Variants in DENND2B observed in about 807,000 individuals in gnomAD.
DENND2B encodes DENN domain containing 2B.
DENND2B carries 32 observed loss-of-function variants against 116.0 expected under a neutral mutation model. The observed-to-expected ratio is 0.28, with a 90% CI of 0.21 to 0.37. DENND2B has a LOEUF of 0.37. DENND2B is among the 10% of genes least tolerant of loss of function. The pLI, the probability that DENND2B is intolerant of heterozygous loss-of-function variation, is 1.00. For synonymous variants in DENND2B, 588 were observed against 583.9 expected (o/e 1.01, Z -0.10); for missense variants, 1,276 against 1,477.7 (o/e 0.86, Z 2.24).
intron 1 of DENND2B, among the ~76,000 whole-genome samples, chr11:8,760,559 AG>A (rs2054423442): frequency 6.6e-6 from 1 of 152,178 alleles, no homozygotes; most frequent in African/African-American, 2.4e-5. Context: ...CCAAGGCTGC[AG>A]TGAGCTATAA....
intron 2 of DENND2B, among the ~76,000 whole-genome samples, chr11:8,735,983 T>C (rs1196915572): frequency 1.3e-5 from 2 of 152,180 alleles, no homozygotes; most frequent in East Asian, 1.9e-4. Context: ...TTCTCCCCTG[T>C]TGGACAAGAG....
intron 1 of DENND2B, among the ~76,000 whole-genome samples, chr11:8,770,933 A>T (rs1209997156): frequency 2.0e-5 from 3 of 152,152 alleles, no homozygotes; most frequent in Non-Finnish European, 2.9e-5. Context: ...TGCCAGTCTG[A>T]CACTCATCTC....
At chr11:8,750,190 G>T (rs2052105639) in intron 2 of DENND2B, among the ~76,000 whole-genome samples, 1 of 152,288 alleles carries the variant, frequency 6.6e-6, no homozygotes, top group East Asian at 1.9e-4. Flanking sequence ...AAAATCCACG[G>T]TTTCTCTAAA....
At chr11:8,711,758 T>C in intron 9 of DENND2B, 1 of 269,204 alleles carries the variant, frequency 3.7e-6, no homozygotes, top group Admixed American at 4.2e-5. Context: ...TCCCAGCTAC[T>C]TGGGAGGCTG....
At chr11:8,711,445 C>T (rs371476806) in intron 9 of DENND2B, among the ~76,000 whole-genome samples, 9 of 152,228 alleles carry the variant, frequency 5.9e-5, no homozygotes, top group Middle Eastern at 6.8e-3. Context: ...GCATCTGACA[C>T]GGTGCTATGC....
chr11:8,777,568 AAG>A (rs2057880528), intron 1 of DENND2B, among the ~76,000 whole-genome samples: 1 of 152,228 alleles, frequency 6.6e-6, no homozygotes, highest in Non-Finnish European at 1.5e-5. Context: ...GAGACCAGCT[AAG>A]AGCTACTCCA....
intron 1 of DENND2B, among the ~76,000 whole-genome samples, chr11:8,780,071 A>T (rs10840120): frequency 0.21 from 32,665 of 152,030 alleles, 3,656 homozygotes; most frequent in South Asian, 0.34. Context: ...GGCAGTATGA[A>T]ATTGTAACTA....
rs566252462 is a variant in DENND2B, at chr11:8,889,368, T to C, written c.-255-8259A>G. 8.4e-4 allele frequency among the ~76,000 whole-genome samples: 128 copies of C among 152,266 alleles called. 1 individual carries two copies. Among genetic ancestry groups the C allele is most frequent in the Middle Eastern group, 3.4e-3 (1 of 294 alleles). Reference sequence around the variant, plus strand: ...ATTTCCAACTGAGGTACCGGGTTCATCTCAATGGGGCTTGTCAGACAGTGG... The same window carrying C: ...ATTTCCAACTGAGGTACCGGGTTCACCTCAATGGGGCTTGTCAGACAGTGG... On this transcript the variant is annotated intron_variant, in intron 1 of 22. Coordinates refer to the DENND2B transcript ENST00000534127.
intron 4 of DENND2B, among the ~76,000 whole-genome samples, chr11:8,825,963 G>A (rs375005448): frequency 6.6e-6 from 1 of 152,078 alleles, no homozygotes; most frequent in Admixed American, 6.6e-5. Context: ...TTGCAGTCCC[G>A]GGGTAAATGG....
intron 3 of DENND2B, among the ~76,000 whole-genome samples, chr11:8,848,938 G>A (rs1029108922): frequency 1.3e-5 from 2 of 151,510 alleles, no homozygotes; most frequent in Non-Finnish European, 2.9e-5. Flanking sequence ...GTTTATCCAG[G>A]GAAATATCCA....
At chr11:8,898,347 T>G (rs557578364) in intron 1 of DENND2B, among the ~76,000 whole-genome samples, 1 of 151,946 alleles carries the variant, frequency 6.6e-6, no homozygotes, top group East Asian at 1.9e-4. Context: ...CACAACATAG[T>G]GAGACCCCAT....
chr11:8,714,188 G>A (rs2044299939), intron 7 of DENND2B, 146 bp from the exon 8 acceptor site: 2 of 790,442 alleles, frequency 2.5e-6, no homozygotes, highest in East Asian at 2.5e-5. Context: ...CTGCAGGCAG[G>A]GAGCTGAGTG....
chr11:8,715,758 G>A lies in DENND2B; in HGVS notation c.1690C>T (p.His564Tyr). The change falls in exon 6 of 20, where the codon CAC becomes TAC. Residue 564 changes from histidine (H) to tyrosine (Y), a missense_variant. Coordinates refer to ENST00000313726, the MANE Select transcript of DENND2B (RefSeq NM_213618.2). ...RSGNWSERKSHRLPRLPKRHS... is the reference protein window; with the variant it reads ...RSGNWSERKSYRLPRLPKRHS... Reference sequence around the variant, plus strand: ...CTCTTGGGTAATCGTGGCAGCCGGTGGCTCTTCCTTTCTGACCAGTTCCCA... The same window carrying A: ...CTCTTGGGTAATCGTGGCAGCCGGTAGCTCTTCCTTTCTGACCAGTTCCCA... The A allele has an allele frequency of 6.2e-7, 1 of 1,614,038 alleles. No homozygotes were observed.
intron 1 of DENND2B, among the ~76,000 whole-genome samples, chr11:8,901,572 A>G (rs74609201): frequency 0.049 from 7,462 of 152,130 alleles, 509 homozygotes; most frequent in African/African-American, 0.16. Context: ...GATTTGACCT[A>G]TATTCTTTTC....
At position 8,697,642 on chromosome 11, in the gene DENND2B, GGAGA is replaced by G. The variant is rs758630519; in HGVS notation, c.2941-10_2941-7del. On this transcript the variant is annotated splice_region_variant and splice_polypyrimidine_tract_variant and intron_variant, in intron 16 of 19. Coordinates refer to ENST00000313726, the MANE Select transcript of DENND2B (RefSeq NM_213618.2). ...AACGTGTCTTCGTCGTCCATCTGCA[GGAGA>G]AAGAAAGCACAGTGACAATCATAGC... 8.7e-6 allele frequency: 14 copies of G among 1,604,014 alleles called. No homozygotes were observed. The East Asian group carries it at 2.9e-4, about 33-fold the overall frequency.
chr11:8,730,077 T>C lies in DENND2B; in HGVS notation c.1213A>G (p.Lys405Glu). The C allele has an allele frequency of 2.5e-6, 4 of 1,614,132 alleles. No homozygotes were observed. The highest frequency in any genetic ancestry group is 3.4e-6 in the Non-Finnish European group (4 of 1,180,022). ...GAAGGAGGTAGACCATTACTGGGCT[T>C]ACTCTTGGGGTTCTTGTCAGCCTCG... ...EYEADKNPKS[K>E]PSNGLPPSPT... The change falls in exon 3 of 20, where the codon AAG (lysine) becomes GAG (glutamate). Residue 405 changes from lysine (K) to glutamate (E), a missense_variant. By Grantham distance (56) the Lys-to-Glu change is moderately conservative. Transcript: ENST00000313726. The surrounding 1 kb of genome is among the most constrained non-coding windows in gnomAD (Gnocchi z 4.1).
intron 3 of DENND2B, among the ~76,000 whole-genome samples, chr11:8,846,852 G>A (rs1257751066): frequency 6.6e-6 from 1 of 152,120 alleles, no homozygotes. Context: ...TTAGCTCTTT[G>A]CTGTAGGTGT....
intron 1 of DENND2B, among the ~76,000 whole-genome samples, chr11:8,773,565 C>G (rs570894844): frequency 6.6e-6 from 1 of 152,308 alleles, no homozygotes; most frequent in Non-Finnish European, 1.5e-5. Flanking sequence ...CCTATTGAGA[C>G]AGAGTCAGAA....
At chr11:8,901,229 C>CTTTTCTTTTTTTTT (rs781408078) in intron 1 of DENND2B, among the ~76,000 whole-genome samples, 1 of 83,922 alleles carries the variant, frequency 1.2e-5, no homozygotes, top group Non-Finnish European at 2.2e-5. Context: ...CTTTTCTTTT[C>CTTTTCTTTTTTTTT]TTTTTTTTTT....
Sources: allele counts gnomAD v4.1 joint callset (sites outside exome capture counted in the v4.1 genomes callset), GRCh38; gene constraint gnomAD v4.1.1; non-coding constraint Gnocchi (gnomAD v3.1); transcripts MANE v1.5; gene names NCBI Gene and HGNC (gene_info 2026-07-23, HGNC 2026-07-21).